The following UST variants were observed in gnomAD, a reference collection of about 807,000 sequenced individuals.
UST encodes uronyl 2-sulfotransferase.
UST carries 21 observed loss-of-function variants against 45.6 expected under a neutral mutation model. That is an observed-to-expected ratio of 0.46 (90% CI 0.33 to 0.66). The LOEUF is 0.66. Ranked by LOEUF, UST falls within the 30% of genes least tolerant of loss-of-function variation. The pLI, the probability that UST is intolerant of heterozygous loss-of-function variation, is 0.02. For missense variants in UST, 463 were observed against 512.4 expected, an observed-to-expected ratio of 0.90 and a Z score of 0.93; for synonymous variants, 215 against 200.6, an observed-to-expected ratio of 1.07 and a Z score of -0.61.
intron 1 of UST, among the ~76,000 whole-genome samples, chr6:148,763,765 T>C (rs1325812811): frequency 6.6e-6 from 1 of 152,164 alleles, no homozygotes; most frequent in Non-Finnish European, 1.5e-5. Context: ...CCTTTCCCCA[T>C]CGTATATTTT....
chr6:148,949,395 A>AAATAAT (rs71007932), intron 3 of UST, among the ~76,000 whole-genome samples: 2,266 of 136,838 alleles, frequency 0.017, 31 homozygotes, highest in East Asian at 0.062. Context: ...CTTTGTCTCA[A>AAATAAT]AATAATAATA....
intron 1 of UST, among the ~76,000 whole-genome samples, chr6:148,765,364 A>G (rs185843471): frequency 1.5e-3 from 232 of 152,288 alleles, no homozygotes; most frequent in African/African-American, 5.5e-3. Flanking sequence ...TTTGGTTACT[A>G]TCATCTTGTA....
At chr6:148,963,841 A>G (rs553592388) in intron 4 of UST, among the ~76,000 whole-genome samples, 43 of 152,348 alleles carry the variant, frequency 2.8e-4, no homozygotes, top group Non-Finnish European at 5.3e-4. Context: ...AGCTGGTTAC[A>G]TGAGGTATTT....
At chr6:148,995,659 A>G (rs1582949961) in intron 5 of UST, among the ~76,000 whole-genome samples, 1 of 152,230 alleles carries the variant, frequency 6.6e-6, no homozygotes, top group Non-Finnish European at 1.5e-5. Flanking sequence ...TGTTTCATAT[A>G]TGGGTTTTGT....
rs58093813 is a variant in UST, at chr6:148,867,285, T to TACACACACAC, written c.248-19667_248-19658dup. On this transcript the variant is annotated intron_variant, in intron 1 of 7. Transcript: ENST00000367463. ...TACCTTTCTTTGAGGCATTGTTGAA[T>TACACACACAC]ACACACACACACACACACACACACA... 1.0e-3 allele frequency among the ~76,000 whole-genome samples: 138 copies of TACACACACAC among 136,842 alleles called. 1 individual carries two copies. The highest frequency in any genetic ancestry group is 3.5e-3 in the Middle Eastern group (1 of 288). 89.8% of individuals were successfully genotyped at this position (136,842 alleles called of 152,430 possible).
At chr6:148,793,674 C>G in intron 1 of UST, among the ~76,000 whole-genome samples, 1 of 152,280 alleles carries the variant, frequency 6.6e-6, no homozygotes, top group East Asian at 1.9e-4. Context: ...ACTTTTTCAG[C>G]TCCATTATCA....
chr6:148,903,437 C>T (rs1210313409), intron 2 of UST, among the ~76,000 whole-genome samples: 1 of 152,124 alleles, frequency 6.6e-6, no homozygotes, highest in Non-Finnish European at 1.5e-5. Flanking sequence ...GTTTAAGATA[C>T]ATATTCTTTA....
chr6:148,874,634 T>C (rs1170662360), intron 1 of UST, among the ~76,000 whole-genome samples: 1 of 152,242 alleles, frequency 6.6e-6, no homozygotes, highest in African/African-American at 2.4e-5. Context: ...ATATTGATTG[T>C]TAATAAAGCC....
chr6:149,020,928 T>C (rs916430065), intron 6 of UST, among the ~76,000 whole-genome samples: 1 of 152,266 alleles, frequency 6.6e-6, no homozygotes, highest in Non-Finnish European at 1.5e-5. Context: ...GTAAGTTTCA[T>C]ATTTCAAAAC....
intron 2 of UST, among the ~76,000 whole-genome samples, chr6:148,892,188 C>T (rs1002965379): frequency 6.6e-5 from 10 of 152,200 alleles, no homozygotes; most frequent in Admixed American, 4.6e-4. Context: ...TCTGACGTTT[C>T]GTTTCCATGA....
At chr6:148,947,898 G>C (rs1339195696) in intron 3 of UST, among the ~76,000 whole-genome samples, 1 of 149,006 alleles carries the variant, frequency 6.7e-6, no homozygotes, top group Non-Finnish European at 1.5e-5. Context: ...CACAGAAACT[G>C]AGTCCGCTAA....
intron 2 of UST, among the ~76,000 whole-genome samples, chr6:148,922,106 AC>A (rs1223526850): frequency 2.6e-5 from 4 of 152,364 alleles, no homozygotes; most frequent in Admixed American, 6.5e-5. Flanking sequence ...CTATTCACAT[AC>A]CAGGAAATTC....
chr6:148,749,205 C>T (rs1414370840), intron 1 of UST, among the ~76,000 whole-genome samples: 1 of 152,186 alleles, frequency 6.6e-6, no homozygotes, highest in Non-Finnish European at 1.5e-5. Flanking sequence ...GGGAATCAAA[C>T]CTCTTCTTTT....
intron 7 of UST, among the ~76,000 whole-genome samples, chr6:149,045,341 T>G (rs1384064304): frequency 1.3e-5 from 2 of 152,224 alleles, no homozygotes; most frequent in African/African-American, 4.8e-5. Context: ...TTACTTAAGA[T>G]GCAATGCTAC....
chr6:148,792,259 C>T (rs779417811), intron 1 of UST, among the ~76,000 whole-genome samples: 9 of 152,074 alleles, frequency 5.9e-5, no homozygotes, highest in East Asian at 1.9e-4. Context: ...TGCTTGGCAC[C>T]GTGCAGACCA....
intron 1 of UST, among the ~76,000 whole-genome samples, chr6:148,851,012 G>T (rs184716266): frequency 2.0e-5 from 3 of 152,264 alleles, no homozygotes; most frequent in African/African-American, 7.2e-5. Flanking sequence ...GCTTTAAATG[G>T]CATCTGTGCC....
chr6:149,020,951 T>G (rs1285304570), intron 6 of UST, among the ~76,000 whole-genome samples: 2 of 152,238 alleles, frequency 1.3e-5, no homozygotes, highest in Non-Finnish European at 2.9e-5. Flanking sequence ...CTAAATTCAT[T>G]TAATTGGTTC....
chr6:149,029,433 T>TATATA (rs1205626970), intron 7 of UST, among the ~76,000 whole-genome samples: 4 of 65,714 alleles, frequency 6.1e-5, no homozygotes, highest in Non-Finnish European at 1.2e-4. Context: ...TTGTATACAT[T>TATATA]ATATTATATT....
At chr6:148,894,822 T>C (rs557560188) in intron 2 of UST, among the ~76,000 whole-genome samples, 44 of 112,810 alleles carry the variant, frequency 3.9e-4, no homozygotes, top group African/African-American at 1.8e-3. Context: ...TGCTTTTTTT[T>C]TTTTTTTTTT....
Sources: allele counts gnomAD v4.1 joint callset (sites outside exome capture counted in the v4.1 genomes callset), GRCh38; gene constraint gnomAD v4.1.1; transcripts MANE v1.5; gene names NCBI Gene and HGNC (gene_info 2026-07-23, HGNC 2026-07-21).